The following LMLN variants were observed in gnomAD, a reference collection of about 807,000 sequenced individuals.
The protein encoded by LMLN is leishmanolysin like peptidase.
A neutral mutation model predicts 92.3 loss-of-function variants in LMLN; 70 were observed. The ratio of observed to expected loss-of-function variants is 0.76; its 90% CI spans 0.63 to 0.92. LMLN has a LOEUF of 0.92. Among genes scored for constraint, LMLN ranks in the 40% least tolerant of loss-of-function variants. LMLN has a pLI of 0.00. For missense variants in LMLN, 691 were observed against 814.6 expected (o/e 0.85, Z 1.85); for synonymous variants, 308 against 296.2 (o/e 1.04, Z -0.41).
At position 198,039,117 on chromosome 3, in the gene LMLN, A is replaced by C. The variant is rs989588070; in HGVS notation, c.*450A>C. The stretch of plus-strand genomic sequence containing the variant: ...GCAACCCAACCACCTTCATCAGCAA[A>C]CCAACCACCTTCTTCAGCAACCCAA... On this transcript the variant is annotated 3_prime_UTR_variant, in exon 16 of 16. Transcript: ENST00000330198. The C allele has an allele frequency of 3.2e-4, 50 of 157,274 alleles. 1 individual carries two copies. In the South Asian group the frequency reaches 3.9e-3, roughly 12 times the overall value. 9.7% of individuals were successfully genotyped at this position (157,274 alleles called of 1,614,324 possible).
intron 5 of LMLN, among the ~76,000 whole-genome samples, chr3:197,979,424 T>G (rs994016333): frequency 2.6e-5 from 4 of 152,142 alleles, no homozygotes; most frequent in Non-Finnish European, 5.9e-5. Flanking sequence ...CTGTAATCCC[T>G]AATCCCTGCA....
intron 11 of LMLN, among the ~76,000 whole-genome samples, chr3:198,011,918 T>C (rs958600519): frequency 6.6e-6 from 1 of 152,138 alleles, no homozygotes; most frequent in Admixed American, 6.6e-5. Flanking sequence ...AAAAAGAAAC[T>C]ACCATCAGAG....
intron 14 of LMLN, among the ~76,000 whole-genome samples, chr3:198,027,383 A>G (rs1419706525): frequency 2.6e-5 from 4 of 152,120 alleles, no homozygotes; most frequent in South Asian, 2.1e-4. Context: ...GGCAAAATAT[A>G]TATAACATAA....
At chr3:198,014,301 C>A in intron 11 of LMLN, among the ~76,000 whole-genome samples, 1 of 135,464 alleles carries the variant, frequency 7.4e-6, no homozygotes, top group East Asian at 2.3e-4. Context: ...CCTAACTAGT[C>A]TGACTTCTCT....
chr3:198,012,438 T>G (rs1722472987), intron 11 of LMLN, among the ~76,000 whole-genome samples: 1 of 152,178 alleles, frequency 6.6e-6, no homozygotes, highest in South Asian at 2.1e-4. Context: ...TTCTATATCC[T>G]TGCTAATTTC....
chr3:197,965,547 G>A (rs555838768), intron 1 of LMLN, among the ~76,000 whole-genome samples: 1 of 152,040 alleles, frequency 6.6e-6, no homozygotes, highest in African/African-American at 2.4e-5. Context: ...GGCCTATTCT[G>A]TAGTTATTGA....
exon 6 of LMLN, chr3:197,980,499 G>A (rs1023965911): frequency 6.2e-7 from 1 of 1,612,294 alleles, no homozygotes; most frequent in African/African-American, 1.3e-5. Context: ...AAGCAAACAT[G>A]GACAGGTAAT....
chr3:197,980,244 T>G (rs1235181876), intron 5 of LMLN, 82 bp from the exon 6 acceptor site: 7 of 1,164,732 alleles, frequency 6.0e-6, no homozygotes, highest in Non-Finnish European at 7.5e-6. Context: ...GTGTTTATAG[T>G]GTAGATTTTA....
chr3:198,038,408 C>G (rs1723294546), intron 15 of LMLN, 159 bp from the exon 17 acceptor site: 2 of 569,404 alleles, frequency 3.5e-6, no homozygotes, highest in Non-Finnish European at 6.3e-6. Flanking sequence ...AAAAAAGAAA[C>G]AAAAACTTTT....
chr3:198,018,735 T>A (rs927678297), intron 11 of LMLN, among the ~76,000 whole-genome samples: 1 of 152,196 alleles, frequency 6.6e-6, no homozygotes, highest in Non-Finnish European at 1.5e-5. Flanking sequence ...ATTAATAGGA[T>A]TTCTATTATT....
At position 197,960,260 on chromosome 3, in the gene LMLN, G is replaced by A. The variant is rs1221618873; in HGVS notation, c.39G>A (p.Trp13Ter). 3.1e-6 allele frequency: 5 copies of A among 1,613,180 alleles called. No homozygotes were observed. Among genetic ancestry groups the A allele is most frequent in the Non-Finnish European group, 4.2e-6 (5 of 1,179,458 alleles). The change falls in exon 1 of 16, where the codon TGG becomes TGA. Residue 13 changes from tryptophan (W) to a stop codon, truncating the protein, a stop_gained. Coordinates refer to ENST00000330198, the Ensembl canonical transcript of LMLN. LOFTEE classifies it high-confidence loss of function. ...TCGGCCCGAAGATGGCGGCCGAATG[G>A]GGCGGAGGAGTGGGTTACTCGGGCT...
intron 11 of LMLN, 36 bp from the exon 12 acceptor site, chr3:198,002,978 CA>C: frequency 8.6e-7 from 1 of 1,166,598 alleles, no homozygotes; most frequent in Non-Finnish European, 1.2e-6. Context: ...TTTGAAAGGA[CA>C]GCAGTAAAAA....
chr3:198,001,078 A>G (rs1335760108), intron 11 of LMLN, among the ~76,000 whole-genome samples: 2 of 152,170 alleles, frequency 1.3e-5, no homozygotes, highest in Admixed American at 6.5e-5. Flanking sequence ...GTTGAGCTAA[A>G]GTTGCTTCCT....
intron 5 of LMLN, among the ~76,000 whole-genome samples, chr3:197,979,158 T>C (rs1721485733): frequency 6.6e-6 from 1 of 152,196 alleles, no homozygotes; most frequent in African/African-American, 2.4e-5. Context: ...CCTAAAGTAA[T>C]TGATTTTAAA....
chr3:198,000,686 C>A (rs1435848760), intron 11 of LMLN, among the ~76,000 whole-genome samples: 1 of 152,168 alleles, frequency 6.6e-6, no homozygotes, highest in Non-Finnish European at 1.5e-5. Context: ...CCTCGGCCTC[C>A]CAAAGTGCTG....
chr3:197,977,604 T>C (rs192745134), intron 5 of LMLN, among the ~76,000 whole-genome samples: 88 of 147,068 alleles, frequency 6.0e-4, no homozygotes, highest in South Asian at 1.5e-3. Flanking sequence ...ATATAAAAAT[T>C]ATCAAACAAT....
intron 11 of LMLN, among the ~76,000 whole-genome samples, chr3:198,001,676 G>A (rs190193837): frequency 1.9e-3 from 294 of 152,290 alleles, no homozygotes; most frequent in Non-Finnish European, 3.5e-3. Flanking sequence ...TTCAGTTTCT[G>A]TCTGAGTGAG....
chr3:198,035,790 G>A lies in LMLN; in HGVS notation c.1657-43G>A, dbSNP rs895700974. On this transcript the variant is annotated intron_variant, in intron 14 of 15. Coordinates refer to ENST00000330198, the Ensembl canonical transcript of LMLN. The stretch of plus-strand genomic sequence containing the variant: ...AAATCTCTTAGAATCTTACTGACCT[G>A]ATATTTATTATTTTTATATATCTAT... The A allele has an allele frequency of 2.9e-6, 4 of 1,398,890 alleles. No individual in the cohort carries two copies. The African/African-American group carries it at 5.8e-5, about 20-fold the overall frequency. The allele number at this position is 1,398,890 out of a possible 1,614,324, so 86.7% of individuals were successfully genotyped here. A position where few individuals can be genotyped will look rare whatever the true frequency, so the allele number is the denominator to read the frequency against.
At chr3:198,003,017 G>T (rs1409890675) in intron 11 of LMLN, 1 of 1,539,018 alleles carries the variant, frequency 6.5e-7, no homozygotes, top group East Asian at 2.5e-5. Context: ...TTCCACAGCT[G>T]GTATAAAGCA....
Sources: allele counts gnomAD v4.1 joint callset (sites outside exome capture counted in the v4.1 genomes callset), GRCh38; gene constraint gnomAD v4.1.1; transcripts MANE v1.5; gene names NCBI Gene and HGNC (gene_info 2026-07-23, HGNC 2026-07-21).